The following FAM227B variants were observed in gnomAD, a reference collection of about 807,000 sequenced individuals.
FAM227B encodes family with sequence similarity 227 member B.
FAM227B carries 88 observed loss-of-function variants against 73.8 expected under a neutral mutation model. The observed-to-expected ratio is 1.19, with a 90% CI of 1.00 to 1.42. FAM227B has a LOEUF of 1.42. FAM227B is among the 40% of genes most tolerant of loss of function. FAM227B has a pLI of 0.00. For missense variants in FAM227B, 632 were observed against 590.9 expected (o/e 1.07, Z -0.72); for synonymous variants, 210 against 190.5 (o/e 1.10, Z -0.84).
At chr15:49,366,408 C>T in intron 13 of FAM227B, 1 of 820,618 alleles carries the variant, frequency 1.2e-6, no homozygotes, top group Admixed American at 1.7e-5. Flanking sequence ...TGGCAGCTGC[C>T]CCATTGCACC....
chr15:49,366,465 T>G (rs1454019034), intron 13 of FAM227B: 1 of 1,019,102 alleles, frequency 9.8e-7, no homozygotes, highest in African/African-American at 1.6e-5. Flanking sequence ...TCAGAAAGGT[T>G]GCATAGTGGT....
chr15:49,424,428 TGAACTGTTCCAGCCCTGAGCGACACACAA>T, intron 11 of FAM227B: 1 of 1,613,712 alleles, frequency 6.2e-7, no homozygotes, highest in Non-Finnish European at 8.5e-7. Flanking sequence ...GCTACAAATG[TGAACTGTTCCAGCCCTGAGCGACACACAA>T]GAAGTTATGA....
chr15:49,477,826 T>C (rs536660843), intron 11 of FAM227B, among the ~76,000 whole-genome samples: 1 of 152,364 alleles, frequency 6.6e-6, no homozygotes, highest in African/African-American at 2.4e-5. Context: ...TTTGCATCCT[T>C]GCCAGCATAC....
intron 11 of FAM227B, among the ~76,000 whole-genome samples, chr15:49,497,048 G>A (rs12908295): frequency 0.11 from 16,260 of 151,968 alleles, 1,232 homozygotes; most frequent in East Asian, 0.36. Flanking sequence ...CAATCACTTT[G>A]GAAGATTATT....
chr15:49,392,376 T>A (rs1292455085), intron 11 of FAM227B, among the ~76,000 whole-genome samples: 1 of 152,126 alleles, frequency 6.6e-6, no homozygotes, highest in Non-Finnish European at 1.5e-5. Context: ...GGAATGTGCA[T>A]GGGGAAGGAC....
intron 10 of FAM227B, among the ~76,000 whole-genome samples, chr15:49,513,332 G>C (rs947523967): frequency 3.9e-5 from 6 of 152,166 alleles, no homozygotes; most frequent in Non-Finnish European, 7.3e-5. Flanking sequence ...CTGTGGCTTT[G>C]ATTTGCATTT....
At chr15:49,555,464 C>G (rs2073559171) in intron 9 of FAM227B, among the ~76,000 whole-genome samples, 1 of 152,144 alleles carries the variant, frequency 6.6e-6, no homozygotes, top group South Asian at 2.1e-4. Flanking sequence ...TGCCTCTTCT[C>G]TCTAGCTGCC....
chr15:49,341,227 G>C (rs979240858), intron 13 of FAM227B, among the ~76,000 whole-genome samples: 11 of 152,034 alleles, frequency 7.2e-5, no homozygotes, highest in African/African-American at 2.4e-4. Context: ...TTTTTGCTTA[G>C]GATTTTTTTT....
intron 11 of FAM227B, among the ~76,000 whole-genome samples, chr15:49,380,905 A>C (rs768893968): frequency 1.2e-4 from 18 of 152,166 alleles, no homozygotes; most frequent in Non-Finnish European, 1.8e-4. Context: ...TGGGTAACTA[A>C]TAAAGAAAAT....
At chr15:49,593,055 G>T (rs906178649) in intron 3 of FAM227B, among the ~76,000 whole-genome samples, 3 of 152,156 alleles carry the variant, frequency 2.0e-5, no homozygotes, top group Non-Finnish European at 4.4e-5. Flanking sequence ...CACAGTATTT[G>T]GGCAGAAGTG....
chr15:49,449,174 ACTAAGT>A (rs2052498241), intron 11 of FAM227B, among the ~76,000 whole-genome samples: 1 of 151,938 alleles, frequency 6.6e-6, no homozygotes, highest in African/African-American at 2.4e-5. Flanking sequence ...AGACTGCATT[ACTAAGT>A]CTAAGTTTTT....
At chr15:49,447,027 A>C (rs1597249994) in intron 11 of FAM227B, among the ~76,000 whole-genome samples, 2 of 151,638 alleles carry the variant, frequency 1.3e-5, no homozygotes, top group East Asian at 1.9e-4. Context: ...GGGTGCGGGA[A>C]CTCATCCTGA....
At chr15:49,555,119 G>T (rs941667928) in intron 9 of FAM227B, among the ~76,000 whole-genome samples, 3 of 152,164 alleles carry the variant, frequency 2.0e-5, no homozygotes, top group Non-Finnish European at 4.4e-5. Context: ...TGCAGTCATT[G>T]TGTTTTTAGC....
intron 7 of FAM227B, among the ~76,000 whole-genome samples, chr15:49,575,756 C>G (rs1436076196): frequency 6.6e-6 from 1 of 152,038 alleles, no homozygotes; most frequent in African/African-American, 2.4e-5. Context: ...TATCAACAAT[C>G]AATCATGGAC....
At chr15:49,586,316 T>G (rs1050126209) in intron 5 of FAM227B, among the ~76,000 whole-genome samples, 9 of 152,180 alleles carry the variant, frequency 5.9e-5, no homozygotes, top group Admixed American at 3.9e-4. Flanking sequence ...TAAATAATGC[T>G]GGGATAACTG....
At chr15:49,494,819 T>C (rs1477995764) in intron 11 of FAM227B, among the ~76,000 whole-genome samples, 1 of 152,132 alleles carries the variant, frequency 6.6e-6, no homozygotes, top group Non-Finnish European at 1.5e-5. Flanking sequence ...ACTCAGGAAA[T>C]ATAAGGACTC....
At chr15:49,430,247 T>G (rs2050481584) in intron 11 of FAM227B, among the ~76,000 whole-genome samples, 1 of 151,924 alleles carries the variant, frequency 6.6e-6, no homozygotes. Context: ...TACCACAGCC[T>G]CACAATGACA....
intron 11 of FAM227B, among the ~76,000 whole-genome samples, chr15:49,473,576 G>C (rs1033914527): frequency 6.6e-6 from 1 of 152,052 alleles, no homozygotes; most frequent in Non-Finnish European, 1.5e-5. Context: ...AATCATATTG[G>C]AGTTGGTCTC....
intron 11 of FAM227B, among the ~76,000 whole-genome samples, chr15:49,477,719 G>GT (rs1379049394): frequency 2.6e-5 from 4 of 152,310 alleles, no homozygotes; most frequent in Non-Finnish European, 4.4e-5. Context: ...GGATTATATA[G>GT]TAAGAGTATG....
Sources: gnomAD v4.1 joint callset for allele counts (sites outside exome capture counted in the v4.1 genomes callset) on GRCh38, gnomAD v4.1.1 for gene constraint, MANE v1.5 for transcripts, NCBI Gene and HGNC (gene_info 2026-07-23, HGNC 2026-07-21) for gene names.